The following RFTN2 variants were observed in gnomAD, a reference collection of about 807,000 sequenced individuals.
The protein encoded by RFTN2 is raftlin family member 2, also known as raftlin-2.
Under a neutral mutation model 52.7 loss-of-function variants are expected in RFTN2, and 34 were observed. The ratio of observed to expected loss-of-function variants is 0.64; its 90% CI spans 0.49 to 0.86. The LOEUF (loss-of-function observed/expected upper bound fraction) is 0.86. Among genes scored for constraint, RFTN2 ranks in the 40% least tolerant of loss-of-function variants. The pLI is 0.00. For missense variants in RFTN2, 536 were observed against 600.1 expected (o/e 0.89, Z 1.12); for synonymous variants, 203 against 217.7 (o/e 0.93, Z 0.59).
At chr2:197,627,857 T>C (rs1238802903) in intron 5 of RFTN2, among the ~76,000 whole-genome samples, 1 of 151,992 alleles carries the variant, frequency 6.6e-6, no homozygotes, top group Non-Finnish European at 1.5e-5. Context: ...TAGAAAACTT[T>C]TTGAACATCT....
At chr2:197,592,607 A>G (rs1011474538) in intron 8 of RFTN2, among the ~76,000 whole-genome samples, 2 of 152,248 alleles carry the variant, frequency 1.3e-5, no homozygotes, top group Admixed American at 1.3e-4. Context: ...AATGTCTGAA[A>G]TATCTACCAA....
intron 8 of RFTN2, among the ~76,000 whole-genome samples, chr2:197,584,021 T>C (rs893028615): frequency 1.3e-5 from 2 of 152,196 alleles, no homozygotes; most frequent in African/African-American, 4.8e-5. Flanking sequence ...TAATCCAGTC[T>C]ATCATTGATG....
intron 8 of RFTN2, 59 bp downstream of exon 8, chr2:197,595,932 G>A: frequency 1.7e-6 from 2 of 1,158,246 alleles, no homozygotes; most frequent in Non-Finnish European, 1.3e-6. Context: ...TACAATGAGA[G>A]TTTAAGGATT....
Position 197,590,617 on chromosome 2 carries a change from T to C in RFTN2, c.1233+5374A>G, listed in dbSNP as rs192897965. On this transcript the variant is annotated intron_variant, in intron 8 of 8. Transcript: ENST00000295049. Reference sequence around the variant, plus strand: ...CCACGGACTCTCACGGTGAGTGTTATGGTTCTTAAAGGCGGCGTGTCCGGA... The same window carrying C: ...CCACGGACTCTCACGGTGAGTGTTACGGTTCTTAAAGGCGGCGTGTCCGGA... Among the ~76,000 whole-genome samples, 841 of 152,284 alleles carry C rather than the reference T, an allele frequency of 5.5e-3. 8 individuals carry two copies. The highest frequency in any genetic ancestry group is 0.01 in the Middle Eastern group (3 of 294).
At chr2:197,651,511 T>C (rs1424291183) in intron 1 of RFTN2, among the ~76,000 whole-genome samples, 1 of 152,016 alleles carries the variant, frequency 6.6e-6, no homozygotes, top group African/African-American at 2.4e-5. Context: ...CCCAGCTACT[T>C]GGGAGGCTGA....
intron 1 of RFTN2, among the ~76,000 whole-genome samples, chr2:197,650,436 G>A (rs931854250): frequency 3.3e-5 from 5 of 152,132 alleles, no homozygotes; most frequent in African/African-American, 9.7e-5. Flanking sequence ...TATGAATAGA[G>A]GTGAGCACTT....
chr2:197,582,055 G>C (rs568197213), intron 8 of RFTN2, among the ~76,000 whole-genome samples: 1 of 152,184 alleles, frequency 6.6e-6, no homozygotes, highest in African/African-American at 2.4e-5. Flanking sequence ...CACAAGGACC[G>C]GGACGGTGTC....
At chr2:197,581,569 CCTT>C (rs2087511012) in intron 8 of RFTN2, among the ~76,000 whole-genome samples, 1 of 152,150 alleles carries the variant, frequency 6.6e-6, no homozygotes, top group African/African-American at 2.4e-5. Flanking sequence ...ATATCGATGA[CCTT>C]CTACTTTGTA....
intron 1 of RFTN2, among the ~76,000 whole-genome samples, chr2:197,668,681 C>A: frequency 6.6e-6 from 1 of 152,150 alleles, no homozygotes; most frequent in East Asian, 1.9e-4. Context: ...GTGGCTCAGC[C>A]CTAGCATCAC....
chr2:197,590,899 T>G (rs1476312043), intron 8 of RFTN2, among the ~76,000 whole-genome samples: 1 of 152,118 alleles, frequency 6.6e-6, no homozygotes, highest in Non-Finnish European at 1.5e-5. Flanking sequence ...CAGCACAATT[T>G]ATTGCAAAAA....
chr2:197,579,098 G>A (rs183428854), intron 8 of RFTN2, among the ~76,000 whole-genome samples: 34 of 152,096 alleles, frequency 2.2e-4, no homozygotes, highest in Admixed American at 1.4e-3. Flanking sequence ...CTCTGGCGCC[G>A]GTCACAGACT....
chr2:197,613,533 G>A (rs542828426), intron 7 of RFTN2, among the ~76,000 whole-genome samples: 36 of 152,284 alleles, frequency 2.4e-4, no homozygotes, highest in Non-Finnish European at 4.4e-4. Context: ...TTTGACCAAG[G>A]TCAACTGTAT....
At chr2:197,615,057 A>C (rs758120625) in intron 7 of RFTN2, among the ~76,000 whole-genome samples, 1 of 152,210 alleles carries the variant, frequency 6.6e-6, no homozygotes, top group Non-Finnish European at 1.5e-5. Flanking sequence ...AGCCATGCCA[A>C]TCAAAGGTTT....
chr2:197,595,706 G>C (rs1020611040), intron 8 of RFTN2, among the ~76,000 whole-genome samples: 8 of 152,200 alleles, frequency 5.3e-5, no homozygotes, highest in African/African-American at 9.7e-5. Context: ...TTGTTTTTCA[G>C]CAGAAAGGTG....
At chr2:197,590,119 G>T (rs1435398379) in intron 8 of RFTN2, among the ~76,000 whole-genome samples, 1 of 150,766 alleles carries the variant, frequency 6.6e-6, no homozygotes, top group Non-Finnish European at 1.5e-5. Context: ...CTGACCAGCT[G>T]GTCTCACACT....
At chr2:197,590,119 G>A (rs1435398379) in intron 8 of RFTN2, among the ~76,000 whole-genome samples, 2 of 150,766 alleles carry the variant, frequency 1.3e-5, no homozygotes, top group African/African-American at 4.9e-5. Context: ...CTGACCAGCT[G>A]GTCTCACACT....
chr2:197,597,228 G>T (rs762011321), intron 7 of RFTN2, among the ~76,000 whole-genome samples: 2 of 152,062 alleles, frequency 1.3e-5, no homozygotes, highest in African/African-American at 2.4e-5. Context: ...TTTTTGAAAG[G>T]CTGTTTCTAG....
intron 7 of RFTN2, among the ~76,000 whole-genome samples, chr2:197,611,907 T>C (rs909119852): frequency 1.3e-5 from 2 of 152,196 alleles, no homozygotes; most frequent in African/African-American, 4.8e-5. Flanking sequence ...TCAGTTTCCA[T>C]GTAGTTGTGC....
intron 8 of RFTN2, among the ~76,000 whole-genome samples, chr2:197,586,362 GC>G (rs1402600369): frequency 3.3e-5 from 5 of 152,154 alleles, no homozygotes; most frequent in African/African-American, 1.2e-4. Flanking sequence ...TGCCGCCCTA[GC>G]TGGATCCCTA....
Sources: gnomAD v4.1 joint callset for allele counts (sites outside exome capture counted in the v4.1 genomes callset) on GRCh38, gnomAD v4.1.1 for gene constraint, MANE v1.5 for transcripts, NCBI Gene and HGNC (gene_info 2026-07-23, HGNC 2026-07-21) for gene names.